DNAI4: variants seen among roughly 807,000 people sequenced by gnomAD.
DNAI4 encodes dynein axonemal intermediate chain 4.
In DNAI4, 85 loss-of-function variants were observed where a neutral mutation model predicts 105.8. The ratio of observed to expected loss-of-function variants is 0.80; its 90% CI spans 0.67 to 0.96. DNAI4 has a LOEUF of 0.96. Among genes scored for constraint, DNAI4 ranks in the 40% least tolerant of loss-of-function variants. The pLI is 0.00. For missense variants in DNAI4, 1,014 were observed against 1,005.6 expected (o/e 1.01, Z -0.11); for synonymous variants, 352 against 331.5 (o/e 1.06, Z -0.67).
At chr1:66,843,474 A>T (rs1646198235) in intron 8 of DNAI4, among the ~76,000 whole-genome samples, 2 of 152,150 alleles carry the variant, frequency 1.3e-5, no homozygotes, top group African/African-American at 2.4e-5. Flanking sequence ...TATCTTCAGT[A>T]TGTGACTTGT....
intron 1 of DNAI4, among the ~76,000 whole-genome samples, chr1:66,918,435 T>C (rs1379600506): frequency 1.3e-5 from 2 of 152,204 alleles, no homozygotes; most frequent in African/African-American, 4.8e-5. Context: ...TTTTCCTAAG[T>C]TGGAGTCACT....
At position 66,835,727 on chromosome 1, in the gene DNAI4, A is replaced by G. The variant is rs374429559; in HGVS notation, c.1632T>C (p.Phe544=). The change falls in exon 11 of 17, where the codon TTT becomes TTC. Residue 544 remains phenylalanine (F), a synonymous_variant. Transcript: ENST00000371026. ...QSPYGVTAVD[F]SIGAPNLLAV... is the part of the protein sequence containing the mutation. ...CTAAAAGGTTAGGTGCTCCAATTGAAAAATCCACAGCAGTAACTCCATATG... is the reference window on the plus strand; with the variant it reads ...CTAAAAGGTTAGGTGCTCCAATTGAGAAATCCACAGCAGTAACTCCATATG... 1.6e-5 allele frequency: 26 copies of G among 1,614,006 alleles called. No homozygotes were observed. The highest frequency in any genetic ancestry group is 2.2e-5 in the Non-Finnish European group (26 of 1,180,002).
intron 16 of DNAI4, among the ~76,000 whole-genome samples, chr1:66,821,169 G>A (rs1024422038): frequency 6.0e-5 from 8 of 133,718 alleles, no homozygotes; most frequent in African/African-American, 2.3e-4. Flanking sequence ...CGCCATCTCA[G>A]CTTACTGCAA....
At position 66,923,091 on chromosome 1, in the gene DNAI4, C is replaced by T. The variant is rs116448028; in HGVS notation, c.170+1571G>A. Among the ~76,000 whole-genome samples, 912 of 152,310 alleles carry T rather than the reference C, an allele frequency of 6.0e-3. 7 individuals are homozygous for T. Among genetic ancestry groups the T allele is most frequent in the African/African-American group, 0.02 (851 of 41,558 alleles). ...TTGTAGTTGTCACAACATTCAAGCA[C>T]AAGACATTACCTTTTCTATGTTTAC... On this transcript the variant is annotated intron_variant, in intron 1 of 16. Coordinates refer to ENST00000371026, the MANE Select transcript of DNAI4 (RefSeq NM_024763.5).
At position 66,893,063 on chromosome 1, in the gene DNAI4, G is replaced by GAAAGAAAGAAAGAAAGAA. The variant is rs60123348; in HGVS notation, c.530+165_530+166insTTCTTTCTTTCTTTCTTT. 2.2e-3 allele frequency among the ~76,000 whole-genome samples: 194 copies of GAAAGAAAGAAAGAAAGAA among 89,542 alleles called. 1 individual carries two copies. Among genetic ancestry groups the GAAAGAAAGAAAGAAAGAA allele is most frequent in the African/African-American group, 5.4e-3 (110 of 20,424 alleles). 58.7% of individuals were successfully genotyped at this position (89,542 alleles called of 152,430 possible). A position where few individuals can be genotyped will look rare whatever the true frequency, so the allele number is the denominator to read the frequency against. On this transcript the variant is annotated intron_variant, in intron 3 of 16. Coordinates refer to ENST00000371026, the MANE Select transcript of DNAI4 (RefSeq NM_024763.5). ...AGAAAGAAAGAAAGAAAGAGAGAGA[G>GAAAGAAAGAAAGAAAGAA]AGAAAGAAAGAAAGAAAGAAAGAAA...
intron 16 of DNAI4, among the ~76,000 whole-genome samples, chr1:66,814,647 C>T (rs1440440286): frequency 5.3e-5 from 8 of 152,154 alleles, no homozygotes; most frequent in African/African-American, 1.9e-4. Flanking sequence ...GGATTACATG[C>T]GTGAGCCACC....
chr1:66,879,382 A>G (rs1195102703), intron 4 of DNAI4, among the ~76,000 whole-genome samples: 1 of 152,224 alleles, frequency 6.6e-6, no homozygotes, highest in Non-Finnish European at 1.5e-5. Flanking sequence ...TTTATTGCTG[A>G]ATAATATTCC....
intron 1 of DNAI4, among the ~76,000 whole-genome samples, chr1:66,915,972 A>G (rs1384852429): frequency 1.3e-5 from 2 of 152,084 alleles, no homozygotes; most frequent in East Asian, 3.9e-4. Context: ...AAATACAAAA[A>G]TTAGCTAGGT....
At chr1:66,858,853 C>T (rs1002213314) in intron 7 of DNAI4, among the ~76,000 whole-genome samples, 5 of 152,022 alleles carry the variant, frequency 3.3e-5, no homozygotes, top group African/African-American at 1.2e-4. Context: ...TAACATCATA[C>T]ATAATGGTGA....
chr1:66,876,023 A>G (rs1469468553), intron 4 of DNAI4, among the ~76,000 whole-genome samples: 1 of 152,080 alleles, frequency 6.6e-6, no homozygotes, highest in East Asian at 1.9e-4. Flanking sequence ...GGAAACAGAA[A>G]ATTTTAAGTT....
At chr1:66,892,659 A>G (rs1033857877) in intron 3 of DNAI4, among the ~76,000 whole-genome samples, 10 of 152,040 alleles carry the variant, frequency 6.6e-5, no homozygotes, top group Non-Finnish European at 1.3e-4. Flanking sequence ...TAATCCCAGC[A>G]TTTTGGGAGG....
intron 7 of DNAI4, among the ~76,000 whole-genome samples, chr1:66,858,546 AAAAAT>A (rs1646553743): frequency 6.6e-6 from 1 of 150,906 alleles, no homozygotes; most frequent in African/African-American, 2.5e-5. Context: ...AAAAAAAAAA[AAAAAT>A]GCAAAAATCC....
At chr1:66,916,034 T>C (rs538566780) in intron 1 of DNAI4, among the ~76,000 whole-genome samples, 4 of 149,238 alleles carry the variant, frequency 2.7e-5, no homozygotes, top group East Asian at 3.9e-4. Context: ...GAAAGGAGAA[T>C]TGCTTAAACC....
intron 1 of DNAI4, among the ~76,000 whole-genome samples, chr1:66,918,361 A>T (rs1490319576): frequency 1.3e-5 from 2 of 152,120 alleles, no homozygotes; most frequent in Non-Finnish European, 2.9e-5. Context: ...CCAAATTCTA[A>T]TTTTTCTTGG....
chr1:66,830,642 G>A (rs1371239940), intron 13 of DNAI4, among the ~76,000 whole-genome samples: 1 of 151,784 alleles, frequency 6.6e-6, no homozygotes, highest in Non-Finnish European at 1.5e-5. Flanking sequence ...GTAGCTGGGT[G>A]TGGTGGTGCA....
chr1:66,876,395 T>C (rs777853444), intron 4 of DNAI4, among the ~76,000 whole-genome samples: 4 of 152,164 alleles, frequency 2.6e-5, no homozygotes, highest in South Asian at 2.1e-4. Context: ...CAAAGTAACA[T>C]TGTGGCACAG....
chr1:66,833,552 T>G, intron 13 of DNAI4, 33 bp downstream of exon 13: 2 of 1,603,788 alleles, frequency 1.2e-6, no homozygotes, highest in Non-Finnish European at 1.7e-6. Context: ...GAAATTGTTA[T>G]GTCCAGTGGT....
At chr1:66,862,739 T>A (rs1459383616) in intron 6 of DNAI4, among the ~76,000 whole-genome samples, 1 of 152,180 alleles carries the variant, frequency 6.6e-6, no homozygotes, top group Non-Finnish European at 1.5e-5. Context: ...TAAGGATAAC[T>A]CCAAATTATC....
intron 4 of DNAI4, among the ~76,000 whole-genome samples, chr1:66,883,549 ATTACAGGTGTGAGC>A (rs1647127394): frequency 6.6e-6 from 1 of 152,146 alleles, no homozygotes; most frequent in Non-Finnish European, 1.5e-5. Context: ...AAGTGCTGGG[ATTACAGGTGTGAGC>A]CACCACGCTT....
Sources: gnomAD v4.1 joint callset for allele counts (sites outside exome capture counted in the v4.1 genomes callset) on GRCh38, gnomAD v4.1.1 for gene constraint, MANE v1.5 for transcripts, NCBI Gene and HGNC (gene_info 2026-07-23, HGNC 2026-07-21) for gene names.